AP3B1: variants seen among roughly 807,000 people sequenced by gnomAD.
AP3B1 encodes adaptor related protein complex 3 subunit beta 1, also known as AP-3 complex subunit beta-1.
Under a neutral mutation model 132.5 loss-of-function variants are expected in AP3B1, and 61 were observed. The observed-to-expected ratio is 0.46, with a 90% CI of 0.37 to 0.57. The LOEUF (loss-of-function observed/expected upper bound fraction) is 0.57, where lower values mean the gene tolerates loss of function less well. Among genes scored for constraint, AP3B1 ranks in the 20% least tolerant of loss-of-function variants. The pLI is 0.00. For missense variants in AP3B1, 1,120 were observed against 1,289.4 expected, an observed-to-expected ratio of 0.87 and a Z score of 2.01; for synonymous variants, 388 against 438.3, an observed-to-expected ratio of 0.89 and a Z score of 1.43.
chr5:78,047,229 G>A (rs1335750813), intron 22 of AP3B1, among the ~76,000 whole-genome samples: 2 of 152,200 alleles, frequency 1.3e-5, no homozygotes, highest in Admixed American at 6.5e-5. Flanking sequence ...TAATGGGATT[G>A]CTGGGTCAAA....
chr5:78,259,814 A>T (rs1748006747), intron 2 of AP3B1, among the ~76,000 whole-genome samples: 1 of 151,932 alleles, frequency 6.6e-6, no homozygotes, highest in Non-Finnish European at 1.5e-5. Flanking sequence ...CTAAAAATAC[A>T]AATAAATTGG....
chr5:78,263,327 T>A (rs1239122196), intron 2 of AP3B1, among the ~76,000 whole-genome samples: 1 of 152,246 alleles, frequency 6.6e-6, no homozygotes, highest in African/African-American at 2.4e-5. Flanking sequence ...TGTGTAGAAA[T>A]GCAAGTCATT....
At chr5:78,118,294 G>A (rs1316480066) in intron 17 of AP3B1, among the ~76,000 whole-genome samples, 1 of 152,184 alleles carries the variant, frequency 6.6e-6, no homozygotes, top group Non-Finnish European at 1.5e-5. Context: ...ATTTCCATCT[G>A]AGGTACCACC....
intron 17 of AP3B1, 78 bp from the exon 18 acceptor site, chr5:78,116,312 A>G: frequency 7.7e-7 from 1 of 1,292,458 alleles, no homozygotes; most frequent in Non-Finnish European, 1.1e-6. Context: ...ATCATTAACA[A>G]CATAACTGAA....
At chr5:78,171,073 G>C (rs1743892668) in intron 11 of AP3B1, among the ~76,000 whole-genome samples, 1 of 152,104 alleles carries the variant, frequency 6.6e-6, no homozygotes, top group African/African-American at 2.4e-5. Context: ...TGAGACTTCT[G>C]TTCTGTTCCA....
At chr5:78,035,126 A>C (rs1344002149) in intron 23 of AP3B1, among the ~76,000 whole-genome samples, 1 of 151,990 alleles carries the variant, frequency 6.6e-6, no homozygotes, top group Non-Finnish European at 1.5e-5. Context: ...AAGTATAGGA[A>C]ATAACTATAC....
At chr5:78,060,427 G>A (rs190020021) in intron 22 of AP3B1, among the ~76,000 whole-genome samples, 5 of 152,282 alleles carry the variant, frequency 3.3e-5, no homozygotes, top group Admixed American at 2.0e-4. Context: ...AGGACAAAAT[G>A]TTTCTTTGTG....
chr5:78,012,429 G>A lies in AP3B1; in HGVS notation c.3131+2981C>T, dbSNP rs143296357. Among the ~76,000 whole-genome samples the A allele has an allele frequency of 1.2e-3, 186 of 152,172 alleles. 1 individual carries two copies. Among genetic ancestry groups the A allele is most frequent in the African/African-American group, 4.4e-3 (182 of 41,534 alleles). ...AATGAGAAAAAGTGTTACATACACA[G>A]GATAATAATTTATGTCAATATCTGT... On this transcript the variant is annotated intron_variant, in intron 26 of 26. Transcript: ENST00000255194.
At chr5:78,195,884 C>T (rs2112442834) in intron 7 of AP3B1, among the ~76,000 whole-genome samples, 1 of 152,160 alleles carries the variant, frequency 6.6e-6, no homozygotes, top group Non-Finnish European at 1.5e-5. Context: ...CAAAAATTAA[C>T]TCAAAATGGG....
At chr5:78,067,578 T>C (rs1258777820) in intron 22 of AP3B1, among the ~76,000 whole-genome samples, 1 of 152,174 alleles carries the variant, frequency 6.6e-6, no homozygotes, top group Non-Finnish European at 1.5e-5. Context: ...TCTCAGACTA[T>C]AGCGCAATCA....
intron 3 of AP3B1, among the ~76,000 whole-genome samples, chr5:78,233,815 A>G (rs976005877): frequency 1.4e-5 from 2 of 144,956 alleles, no homozygotes; most frequent in African/African-American, 5.1e-5. Context: ...AGAGCTAGCA[A>G]GTGCAGAATC....
chr5:78,054,663 G>A (rs1375103312), intron 22 of AP3B1, among the ~76,000 whole-genome samples: 1 of 152,174 alleles, frequency 6.6e-6, no homozygotes, highest in Non-Finnish European at 1.5e-5. Flanking sequence ...ACATATTTCA[G>A]AGATGGGACT....
chr5:78,059,664 C>T (rs1411127027), intron 22 of AP3B1, among the ~76,000 whole-genome samples: 3 of 152,140 alleles, frequency 2.0e-5, no homozygotes, highest in African/African-American at 7.2e-5. Flanking sequence ...TTTAAAAAAA[C>T]TCCCCTCCCC....
At chr5:78,138,926 T>C (rs1278453573) in intron 15 of AP3B1, among the ~76,000 whole-genome samples, 1 of 131,350 alleles carries the variant, frequency 7.6e-6, no homozygotes, top group Non-Finnish European at 1.5e-5. Context: ...GCCAAGATCA[T>C]GCCACTGAAC....
At chr5:78,020,084 A>G (rs1747028643) in intron 25 of AP3B1, among the ~76,000 whole-genome samples, 1 of 152,136 alleles carries the variant, frequency 6.6e-6, no homozygotes, top group Non-Finnish European at 1.5e-5. Flanking sequence ...CTCTGGGCCA[A>G]CTACAGATAT....
chr5:78,175,643 T>C lies in AP3B1; in HGVS notation c.1150A>G (p.Met384Val), dbSNP rs1259809294. Reference sequence around the variant, plus strand: ...ATACATACCTTCAGTGTCTTGATCATAGTTGGATCAGTTGACCTAACATAG... The same window carrying C: ...ATACATACCTTCAGTGTCTTGATCACAGTTGGATCAGTTGACCTAACATAG... ...SFYVRSTDPT[M>V]IKTLKLEILT... The change falls in exon 11 of 27, where the codon ATG (methionine) becomes GTG (valine). Residue 384 changes from methionine (M) to valine (V), a missense_variant. Around this residue, in one of 3 missense-constraint regions of AP3B1, gnomAD observed 906 missense variants for 997.1 expected, o/e 0.91. Transcript: ENST00000255194. 2 of 1,613,264 alleles carry C rather than the reference T, an allele frequency of 1.2e-6. No individual in the cohort carries two copies. The highest frequency in any genetic ancestry group is 1.7e-6 in the Non-Finnish European group (2 of 1,179,416).
intron 22 of AP3B1, among the ~76,000 whole-genome samples, chr5:78,051,427 T>C (rs1748579740): frequency 6.6e-6 from 1 of 152,034 alleles, no homozygotes; most frequent in African/African-American, 2.4e-5. Flanking sequence ...TCTGCTTTTT[T>C]TTGAGATTAT....
Position 78,226,244 on chromosome 5 carries a change from A to G in AP3B1, c.537-636T>C, listed in dbSNP as rs545587203. On this transcript the variant is annotated intron_variant, in intron 5 of 26. Coordinates refer to ENST00000255194, the MANE Select transcript of AP3B1 (RefSeq NM_003664.5). ...AGAGTGAGCATGGATCTTATCCCAT[A>G]AGTTTCTAAGGAGAAAAGGTGAGTG... Among the ~76,000 whole-genome samples, 3 of 152,248 alleles carry G rather than the reference A, an allele frequency of 2.0e-5. No individual in the cohort carries two copies. In the South Asian group the frequency reaches 6.2e-4, roughly 32 times the overall value.
intron 22 of AP3B1, among the ~76,000 whole-genome samples, chr5:78,083,835 T>A (rs938876012): frequency 2.0e-5 from 3 of 152,320 alleles, no homozygotes; most frequent in East Asian, 3.9e-4. Context: ...GTGACTTTTT[T>A]AATTAGAAAA....
Sources: gnomAD v4.1 joint callset for allele counts (sites outside exome capture counted in the v4.1 genomes callset) on GRCh38, gnomAD v4.1.1 for gene constraint, gnomAD v4.1.1 regional missense constraint, MANE v1.5 for transcripts, NCBI Gene and HGNC (gene_info 2026-07-23, HGNC 2026-07-21) for gene names.